Variants in CDC42BPA observed in about 807,000 individuals in gnomAD.
CDC42BPA encodes the protein serine/threonine-protein kinase MRCK alpha.
CDC42BPA carries 80 observed loss-of-function variants against 223.5 expected under a neutral mutation model. The ratio of observed to expected loss-of-function variants is 0.36; its 90% confidence interval spans 0.30 to 0.43. The LOEUF is 0.43. CDC42BPA is among the 20% of genes least tolerant of loss of function. CDC42BPA has a pLI of 1.00. For missense variants in CDC42BPA, 1,743 were observed against 2,099.9 expected, an observed-to-expected ratio of 0.83 and a Z score of 3.32; for synonymous variants, 694 against 718.6, an observed-to-expected ratio of 0.97 and a Z score of 0.55.
Position 226,992,284 on chromosome 1 carries a change from T to C in CDC42BPA, c.*1984A>G, listed in dbSNP as rs975979535. The C allele has an allele frequency of 1.3e-5, 2 of 152,246 alleles. No individual in the cohort carries two copies. The highest frequency in any genetic ancestry group is 4.8e-5 in the African/African-American group (2 of 41,452). 9.4% of individuals were successfully genotyped at this position (152,246 alleles called of 1,614,324 possible). On this transcript the variant is annotated 3_prime_UTR_variant, in exon 37 of 37. Transcript: ENST00000366766. The stretch of plus-strand genomic sequence containing the variant: ...GCAGAAAGATTTGGGAGATTAGAAC[T>C]GTGCTGTGAATTACACCCATCCAAA...
At chr1:227,205,920 G>C (rs939284297) in intron 3 of CDC42BPA, among the ~76,000 whole-genome samples, 4 of 152,106 alleles carry the variant, frequency 2.6e-5, no homozygotes, top group Non-Finnish European at 5.9e-5. Flanking sequence ...GTGGTGGCAT[G>C]TGCCTGTAGT....
At chr1:227,248,575 AC>A (rs1437137334) in intron 2 of CDC42BPA, among the ~76,000 whole-genome samples, 6 of 152,218 alleles carry the variant, frequency 3.9e-5, no homozygotes, top group Non-Finnish European at 5.9e-5. Context: ...AAAGATGTCT[AC>A]AGTGAAAACT....
chr1:227,186,198 G>A (rs984240679), intron 5 of CDC42BPA, among the ~76,000 whole-genome samples: 4 of 152,214 alleles, frequency 2.6e-5, no homozygotes, highest in East Asian at 3.9e-4. Context: ...TAGGGAGGCC[G>A]CACATTTATT....
At chr1:227,298,914 A>G (rs772706282) in intron 1 of CDC42BPA, among the ~76,000 whole-genome samples, 1 of 152,248 alleles carries the variant, frequency 6.6e-6, no homozygotes, top group Non-Finnish European at 1.5e-5. Flanking sequence ...CTTCACCTCA[A>G]TATGCTAGAA....
At chr1:227,265,599 A>G (rs1684857290) in intron 1 of CDC42BPA, among the ~76,000 whole-genome samples, 1 of 151,380 alleles carries the variant, frequency 6.6e-6, no homozygotes, top group South Asian at 2.1e-4. Context: ...ACTGCACTCC[A>G]GCCTGGTGAC....
chr1:227,077,105 A>G (rs1358539059), intron 17 of CDC42BPA, among the ~76,000 whole-genome samples: 1 of 152,200 alleles, frequency 6.6e-6, no homozygotes, highest in Non-Finnish European at 1.5e-5. Flanking sequence ...GAGAAGACAA[A>G]TAAGGGACAG....
chr1:227,300,254 T>A (rs532769048), intron 1 of CDC42BPA, among the ~76,000 whole-genome samples: 26 of 152,330 alleles, frequency 1.7e-4, no homozygotes, highest in African/African-American at 6.0e-4. Flanking sequence ...GAAAACTGTA[T>A]GGAGATTTTT....
intron 14 of CDC42BPA, among the ~76,000 whole-genome samples, chr1:227,111,397 C>T (rs1686895159): frequency 6.6e-6 from 1 of 152,166 alleles, no homozygotes; most frequent in African/African-American, 2.4e-5. Context: ...TTACTGAACA[C>T]TTATAATGTG....
chr1:227,311,801 C>A (rs777676273), intron 1 of CDC42BPA, among the ~76,000 whole-genome samples: 19 of 152,076 alleles, frequency 1.2e-4, no homozygotes, highest in Admixed American at 1.2e-3. Context: ...CATTCTCATT[C>A]TCTGTCTCCC....
In CDC42BPA at chr1:227,003,790, A is replaced by G. The variant is rs545357179; in HGVS notation, c.4975+1204T>C. On this transcript the variant is annotated intron_variant, in intron 35 of 36. Coordinates refer to ENST00000366766, the MANE Select transcript of CDC42BPA (RefSeq NM_001394014.1). ...CAAGGTTCTAGTTTTAAAGTGTAAA[A>G]AAAGAGATGCTGCAGTTCCGAGTAC... Among the ~76,000 whole-genome samples, 6 of 152,304 alleles carry G rather than the reference A, an allele frequency of 3.9e-5. No individual in the cohort carries two copies. The South Asian group carries it at 1.2e-3, about 32-fold the overall frequency.
chr1:227,179,411 C>T (rs758594776), intron 5 of CDC42BPA, among the ~76,000 whole-genome samples: 120 of 151,516 alleles, frequency 7.9e-4, no homozygotes, highest in Non-Finnish European at 1.5e-3. Flanking sequence ...CCGAGGCGGG[C>T]GGATCACAAG....
At chr1:227,253,985 C>T in intron 2 of CDC42BPA, 79 bp downstream of exon 2, 1 of 802,868 alleles carries the variant, frequency 1.2e-6, no homozygotes, top group Non-Finnish European at 2.1e-6. Context: ...AGTAACAATA[C>T]TTGTTAAATT....
chr1:227,001,294 T>G (rs868469826), intron 35 of CDC42BPA, among the ~76,000 whole-genome samples: 1 of 152,188 alleles, frequency 6.6e-6, no homozygotes, highest in African/African-American at 2.4e-5. Flanking sequence ...AGATGCCCCT[T>G]GGCATTCCCG....
chr1:227,039,092 T>C (rs750740933), intron 24 of CDC42BPA, among the ~76,000 whole-genome samples: 1 of 152,192 alleles, frequency 6.6e-6, no homozygotes, highest in Non-Finnish European at 1.5e-5. Flanking sequence ...AGTGTTTCCA[T>C]GGGAAATCAT....
chr1:227,286,451 G>A (rs189970357), intron 1 of CDC42BPA, among the ~76,000 whole-genome samples: 17 of 152,214 alleles, frequency 1.1e-4, no homozygotes, highest in Admixed American at 2.6e-4. Context: ...TAAATTCCTC[G>A]TCAGCTTGGG....
intron 2 of CDC42BPA, among the ~76,000 whole-genome samples, chr1:227,235,523 G>A (rs2148038136): frequency 6.6e-6 from 1 of 152,286 alleles, no homozygotes; most frequent in South Asian, 2.1e-4. Context: ...AATGGCTAAT[G>A]TGCTTCAGGG....
At chr1:227,315,193 T>C (rs147817700) in intron 1 of CDC42BPA, among the ~76,000 whole-genome samples, 1 of 152,054 alleles carries the variant, frequency 6.6e-6, no homozygotes, top group East Asian at 1.9e-4. Flanking sequence ...ATAAAAATAA[T>C]ACTCAGCCAA....
At chr1:227,299,430 T>G (rs75601913) in intron 1 of CDC42BPA, among the ~76,000 whole-genome samples, 90 of 152,266 alleles carry the variant, frequency 5.9e-4, no homozygotes, top group Admixed American at 2.9e-3. Context: ...TTTTACTTCT[T>G]TTTTTAAATG....
intron 14 of CDC42BPA, among the ~76,000 whole-genome samples, chr1:227,110,750 A>C (rs1421627120): frequency 6.6e-6 from 1 of 152,206 alleles, no homozygotes; most frequent in Non-Finnish European, 1.5e-5. Context: ...AGGTATATAG[A>C]AGACACATCT....
Sources: allele counts gnomAD v4.1 joint callset (sites outside exome capture counted in the v4.1 genomes callset), GRCh38; gene constraint gnomAD v4.1.1; transcripts MANE v1.5; gene names NCBI Gene and HGNC (gene_info 2026-07-23, HGNC 2026-07-21).